GALNT13: variants seen among roughly 807,000 people sequenced by gnomAD.
GALNT13 encodes the protein UDP-GalNAc:polypeptide N-acetylgalactosaminyltransferase 13.
Under a neutral mutation model 64.2 loss-of-function variants are expected in GALNT13, and 28 were observed. The observed-to-expected ratio is 0.44, with a 90% CI of 0.32 to 0.60. The LOEUF (loss-of-function observed/expected upper bound fraction) is 0.60. Ranked by LOEUF, GALNT13 falls within the 20% of genes least tolerant of loss-of-function variation. GALNT13 has a pLI of 0.05. For missense variants in GALNT13, 577 were observed against 669.8 expected (o/e 0.86, Z 1.53); for synonymous variants, 214 against 224.6 (o/e 0.95, Z 0.42).
intron 1 of GALNT13, among the ~76,000 whole-genome samples, chr2:153,891,081 A>G (rs1465052962): frequency 6.6e-6 from 1 of 152,056 alleles, no homozygotes; most frequent in Non-Finnish European, 1.5e-5. Context: ...CTATTTGTAG[A>G]TTAGAAAATC....
At chr2:154,097,495 G>C (rs1364329704) in intron 3 of GALNT13, among the ~76,000 whole-genome samples, 1 of 151,950 alleles carries the variant, frequency 6.6e-6, no homozygotes, top group Non-Finnish European at 1.5e-5. Context: ...CTAACATAAA[G>C]ATAATATACA....
In GALNT13 at chr2:154,179,307, C is replaced by T. The variant is rs146438020; in HGVS notation, c.311+38802C>T. ...CTATTTTCCTAGCATATAGTAAATA[C>T]TCAATAAGTATTCCGTGAACAAATA... On this transcript the variant is annotated intron_variant, in intron 4 of 12. Transcript: ENST00000392825. Among the ~76,000 whole-genome samples, 7 of 152,144 alleles carry T rather than the reference C, an allele frequency of 4.6e-5. No homozygotes were observed. The South Asian group carries it at 6.2e-4, about 14-fold the overall frequency.
chr2:153,926,263 A>G (rs1486877786), intron 2 of GALNT13: 1 of 152,044 alleles, frequency 6.6e-6, no homozygotes, highest in Non-Finnish European at 1.5e-5. Context: ...TATACAATTT[A>G]TTGGTGTTTT....
At chr2:153,796,474 A>C in the GALNT13 span, among the ~76,000 whole-genome samples, 2 of 152,236 alleles carry the variant, frequency 1.3e-5, no homozygotes, top group Non-Finnish European at 2.9e-5. Context: ...GTCATGTTGG[A>C]ATAACTAATT....
At chr2:153,625,572 T>C in the GALNT13 span, among the ~76,000 whole-genome samples, 1 of 152,070 alleles carries the variant, frequency 6.6e-6, no homozygotes, top group Admixed American at 6.6e-5. Context: ...AAGTAGGCAG[T>C]GATATTTTAC....
intron 7 of GALNT13, among the ~76,000 whole-genome samples, chr2:154,255,413 A>C (rs1448100789): frequency 1.3e-5 from 2 of 152,176 alleles, no homozygotes; most frequent in East Asian, 3.9e-4. Context: ...AGGTGGAATG[A>C]AAATGTTTTT....
intron 2 of GALNT13, among the ~76,000 whole-genome samples, chr2:153,906,205 T>C (rs1352632389): frequency 6.6e-6 from 1 of 151,840 alleles, no homozygotes; most frequent in Admixed American, 6.6e-5. Flanking sequence ...TTTTTTTTAA[T>C]GTTGAGTTCA....
chr2:154,112,981 T>A (rs1031341592), intron 3 of GALNT13, among the ~76,000 whole-genome samples: 1 of 152,102 alleles, frequency 6.6e-6, no homozygotes, highest in Non-Finnish European at 1.5e-5. Flanking sequence ...ATACCACTTC[T>A]ATTTAATGAT....
At chr2:153,957,749 T>C (rs1692669357) in intron 3 of GALNT13, among the ~76,000 whole-genome samples, 2 of 152,310 alleles carry the variant, frequency 1.3e-5, no homozygotes, top group South Asian at 2.1e-4. Flanking sequence ...ATTGTACTTT[T>C]TGGCTATTTC....
At chr2:153,072,262 A>G in the GALNT13 span, among the ~76,000 whole-genome samples, 3 of 152,278 alleles carry the variant, frequency 2.0e-5, no homozygotes, top group East Asian at 5.8e-4. Context: ...CCTACCGCTA[A>G]GCAGTGTGGG....
intron 9 of GALNT13, among the ~76,000 whole-genome samples, chr2:154,324,866 C>T (rs1336974825): frequency 6.6e-6 from 1 of 152,106 alleles, no homozygotes; most frequent in Non-Finnish European, 1.5e-5. Context: ...TTCTGCCTCA[C>T]CACAGTGGTC....
rs145299843 is a variant in GALNT13 at position 154,177,221 on chromosome 2, T to C, written c.311+36716T>C. 3.8e-3 allele frequency among the ~76,000 whole-genome samples: 578 copies of C among 152,144 alleles called. 2 individuals are homozygous for C. Among genetic ancestry groups the C allele is most frequent in the Non-Finnish European group, 5.2e-3 (352 of 67,982 alleles). ...CAGACAATGGCATATCATTCAGTGA[T>C]AGAAAGAAATGAGCTCTCAAACGAG... On this transcript the variant is annotated intron_variant, in intron 4 of 12. Transcript: ENST00000392825.
the GALNT13 span, among the ~76,000 whole-genome samples, chr2:153,260,427 C>T: frequency 1.3e-5 from 2 of 152,240 alleles, no homozygotes; most frequent in East Asian, 3.9e-4. Flanking sequence ...TTGGGAAAGT[C>T]TTTATTTCTC....
At chr2:154,448,132 A>G (rs1017863491) in intron 12 of GALNT13, among the ~76,000 whole-genome samples, 6 of 152,064 alleles carry the variant, frequency 3.9e-5, no homozygotes, top group African/African-American at 1.2e-4. Context: ...TAACAACTCC[A>G]TAGGCCTAGC....
the GALNT13 span, among the ~76,000 whole-genome samples, chr2:153,349,202 GA>G: frequency 6.6e-6 from 1 of 150,456 alleles, no homozygotes; most frequent in African/African-American, 2.4e-5. Flanking sequence ...GAGCAAGTGT[GA>G]AAAAAAACAA....
the GALNT13 span, among the ~76,000 whole-genome samples, chr2:153,186,252 C>G: frequency 6.6e-6 from 1 of 152,026 alleles, no homozygotes; most frequent in East Asian, 1.9e-4. Flanking sequence ...TGTTTAAAGT[C>G]TGTTTTGTCA....
chr2:153,881,921 T>A (rs2105239798), intron 1 of GALNT13, among the ~76,000 whole-genome samples: 1 of 152,266 alleles, frequency 6.6e-6, no homozygotes, highest in Non-Finnish European at 1.5e-5. Flanking sequence ...ATTATTACTA[T>A]CATGATTATG....
intron 3 of GALNT13, among the ~76,000 whole-genome samples, chr2:154,064,999 C>T (rs1700386399): frequency 6.6e-6 from 1 of 152,064 alleles, no homozygotes; most frequent in Non-Finnish European, 1.5e-5. Flanking sequence ...CAGGGGAGCC[C>T]ACTGCCATGA....
At chr2:153,368,855 G>T in the GALNT13 span, among the ~76,000 whole-genome samples, 1 of 150,938 alleles carries the variant, frequency 6.6e-6, no homozygotes, top group Non-Finnish European at 1.5e-5. Context: ...TTTCCACCCA[G>T]AAAAGCAGCA....
Sources: gnomAD v4.1 joint callset for allele counts (sites outside exome capture counted in the v4.1 genomes callset) on GRCh38, gnomAD v4.1.1 for gene constraint, MANE v1.5 for transcripts, NCBI Gene and HGNC (gene_info 2026-07-23, HGNC 2026-07-21) for gene names.